Variants in SORCS2 observed in about 807,000 individuals in gnomAD.
The protein encoded by SORCS2 is VPS10 domain-containing receptor SorCS2.
A neutral mutation model predicts 141.6 loss-of-function variants in SORCS2; 100 were observed. The ratio of observed to expected loss-of-function variants is 0.71; its 90% CI spans 0.60 to 0.83. The LOEUF (loss-of-function observed/expected upper bound fraction) is 0.83, where lower values mean the gene tolerates loss of function less well. Among genes scored for constraint, SORCS2 ranks in the 40% least tolerant of loss-of-function variants. The pLI, the probability that SORCS2 is intolerant of heterozygous loss-of-function variation, is 0.00. For synonymous variants in SORCS2, 789 were observed against 676.9 expected, an observed-to-expected ratio of 1.17 and a Z score of -2.57; for missense variants, 1,646 against 1,560.2, an observed-to-expected ratio of 1.05 and a Z score of -0.93.
chr4:7,697,319 C>G, intron 12 of SORCS2, 45 bp downstream of exon 12: 2 of 1,496,858 alleles, frequency 1.3e-6, no homozygotes, highest in East Asian at 2.4e-5. Context: ...CCCATCCAGC[C>G]GGGACCCTCA....
chr4:7,703,198 C>A, intron 12 of SORCS2, 82 bp from the exon 13 acceptor site: 1 of 1,132,600 alleles, frequency 8.8e-7, no homozygotes. Context: ...CATTGACAAC[C>A]CTCCTCCCAG....
At position 7,448,170 on chromosome 4, in the gene SORCS2, C is replaced by G. The variant is rs991821705; in HGVS notation, c.548+51815C>G. Among the ~76,000 whole-genome samples, 9 of 152,294 alleles carry G rather than the reference C, an allele frequency of 5.9e-5. No individual in the cohort carries two copies. In the East Asian group the frequency reaches 1.7e-3, roughly 29 times the overall value. ...GAGGCACAGTTGTGTTTCGTGCCCC[C>G]CACTGTCCTGCTGCTCCGGGCCCTG... On this transcript the variant is annotated intron_variant, in intron 2 of 26. Transcript: ENST00000507866.
chr4:7,689,921 A>G (rs1451204485), intron 11 of SORCS2, among the ~76,000 whole-genome samples: 1 of 152,130 alleles, frequency 6.6e-6, no homozygotes, highest in African/African-American at 2.4e-5. Context: ...TGATGGACAG[A>G]TGGTGAATGG....
At chr4:7,198,708 G>C (rs1383086231) in intron 1 of SORCS2, among the ~76,000 whole-genome samples, 1 of 152,196 alleles carries the variant, frequency 6.6e-6, no homozygotes, top group Non-Finnish European at 1.5e-5. Flanking sequence ...TGTCATACTT[G>C]CTGTCAGGAG....
intron 1 of SORCS2, among the ~76,000 whole-genome samples, chr4:7,244,739 C>G (rs957483176): frequency 1.3e-5 from 2 of 152,240 alleles, no homozygotes; most frequent in African/African-American, 2.4e-5. Context: ...TCCCCCAACT[C>G]TTGTTTAAAC....
chr4:7,462,100 A>T (rs1353016088), intron 2 of SORCS2, among the ~76,000 whole-genome samples: 1 of 152,166 alleles, frequency 6.6e-6, no homozygotes, highest in African/African-American at 2.4e-5. Context: ...CCAGAGAGCC[A>T]CCCAGAGTGC....
rs1560372946 is a variant in SORCS2 at position 7,543,695 on chromosome 4, CCCAT to C, written c.648+12078_648+12081del. 1.3e-4 allele frequency among the ~76,000 whole-genome samples: 4 copies of C among 31,494 alleles called. 1 individual carries two copies. Among genetic ancestry groups the C allele is most frequent in the Admixed American group, 3.4e-4 (1 of 2,936 alleles). The allele number at this position is 31,494 out of a possible 152,430, so 20.7% of individuals were successfully genotyped here. ...ATCCATCCACCCATCCACCCATCCA[CCCAT>C]CCATCCATCCACCCATCCACCCATC... On this transcript the variant is annotated intron_variant, in intron 3 of 26. Coordinates refer to ENST00000507866, the MANE Select transcript of SORCS2 (RefSeq NM_020777.3).
intron 2 of SORCS2, among the ~76,000 whole-genome samples, chr4:7,398,515 GT>G (rs1487105564): frequency 6.6e-6 from 1 of 152,192 alleles, no homozygotes; most frequent in Non-Finnish European, 1.5e-5. Context: ...ATACCCAGAT[GT>G]TTCTTCGCCT....
chr4:7,239,966 G>C (rs1164125621), intron 1 of SORCS2, among the ~76,000 whole-genome samples: 1 of 152,242 alleles, frequency 6.6e-6, no homozygotes, highest in Non-Finnish European at 1.5e-5. Context: ...ACAGCCCTGA[G>C]TGTCTCGTGG....
At chr4:7,450,825 T>C (rs1320280100) in intron 2 of SORCS2, among the ~76,000 whole-genome samples, 1 of 151,848 alleles carries the variant, frequency 6.6e-6, no homozygotes, top group Non-Finnish European at 1.5e-5. Flanking sequence ...AATGAGTGTG[T>C]GAATGAGTGA....
chr4:7,332,533 G>T (rs1361780167), intron 1 of SORCS2, among the ~76,000 whole-genome samples: 1 of 152,196 alleles, frequency 6.6e-6, no homozygotes, highest in Non-Finnish European at 1.5e-5. Flanking sequence ...CCTGGCCTAG[G>T]CAACACTCTC....
intron 1 of SORCS2, among the ~76,000 whole-genome samples, chr4:7,293,546 G>C (rs1716754847): frequency 6.6e-6 from 1 of 152,194 alleles, no homozygotes; most frequent in Non-Finnish European, 1.5e-5. Context: ...CAGAGTTTAA[G>C]ATCTTTTCCC....
At chr4:7,500,876 C>G (rs1560336041) in intron 2 of SORCS2, among the ~76,000 whole-genome samples, 1 of 152,180 alleles carries the variant, frequency 6.6e-6, no homozygotes, top group African/African-American at 2.4e-5. Flanking sequence ...GCGGGCAGCC[C>G]CCGCAGAATG....
At chr4:7,307,352 AAAG>A (rs1205101012) in intron 1 of SORCS2, among the ~76,000 whole-genome samples, 2 of 152,244 alleles carry the variant, frequency 1.3e-5, no homozygotes, top group Non-Finnish European at 2.9e-5. Flanking sequence ...TTCTTCCAGA[AAAG>A]AAGAAAAGCA....
chr4:7,281,055 C>T (rs1388568095), intron 1 of SORCS2, among the ~76,000 whole-genome samples: 1 of 152,176 alleles, frequency 6.6e-6, no homozygotes, highest in Admixed American at 6.5e-5. Flanking sequence ...CGTGTCTGAA[C>T]GTGCCCTGCC....
Position 7,213,129 on chromosome 4 carries a change from A to C in SORCS2, c.480+20003A>C, listed in dbSNP as rs145312335. On this transcript the variant is annotated intron_variant, in intron 1 of 26. Transcript: ENST00000507866. ...ATGGTTTGCTGTCCATAAATCCCCA[A>C]TCCTCAGAACTGCTTAAGCCATATC... Among the ~76,000 whole-genome samples, 169 of 152,294 alleles carry C rather than the reference A, an allele frequency of 1.1e-3. 1 individual carries two copies. The highest frequency in any genetic ancestry group is 3.6e-3 in the African/African-American group (151 of 41,556).
At chr4:7,646,063 C>T (rs1721052228) in intron 4 of SORCS2, among the ~76,000 whole-genome samples, 1 of 152,256 alleles carries the variant, frequency 6.6e-6, no homozygotes, top group South Asian at 2.1e-4. Context: ...GCCTTGCGCA[C>T]CCGGCAGCCA....
chr4:7,213,318 G>A (rs1728157206), intron 1 of SORCS2, among the ~76,000 whole-genome samples: 1 of 152,206 alleles, frequency 6.6e-6, no homozygotes, highest in African/African-American at 2.4e-5. Flanking sequence ...GGCACTGGGA[G>A]GCACAGAGGC....
chr4:7,288,800 G>GGT (rs55981633), intron 1 of SORCS2, among the ~76,000 whole-genome samples: 1 of 119,326 alleles, frequency 8.4e-6, no homozygotes, highest in Non-Finnish European at 1.7e-5. Context: ...GTGGGGGGGG[G>GGT]AGTTGGGGAG....
Sources: gnomAD v4.1 joint callset for allele counts (sites outside exome capture counted in the v4.1 genomes callset) on GRCh38, gnomAD v4.1.1 for gene constraint, MANE v1.5 for transcripts, NCBI Gene and HGNC (gene_info 2026-07-23, HGNC 2026-07-21) for gene names.